Variants in RAPGEF4 observed in about 807,000 individuals in gnomAD.
RAPGEF4 encodes the protein Rap guanine nucleotide exchange factor 4.
Under a neutral mutation model 147.9 loss-of-function variants are expected in RAPGEF4, and 66 were observed. That is an observed-to-expected ratio of 0.45 (90% CI 0.37 to 0.55). The LOEUF (loss-of-function observed/expected upper bound fraction) is 0.55, where lower values mean the gene tolerates loss of function less well. RAPGEF4 is among the 20% of genes least tolerant of loss of function. The probability of loss-of-function intolerance (pLI) is 0.00; values close to 1 mark genes in which losing one functional copy is unlikely to be tolerated. For missense variants in RAPGEF4, 1,071 were observed against 1,257.3 expected (o/e 0.85, Z 2.24); for synonymous variants, 419 against 442.7 (o/e 0.95, Z 0.67).
At chr2:172,741,136 G>A (rs780884952) in intron 1 of RAPGEF4, among the ~76,000 whole-genome samples, 1 of 152,192 alleles carries the variant, frequency 6.6e-6, no homozygotes, top group Non-Finnish European at 1.5e-5. Flanking sequence ...TCTGGGAATC[G>A]TCCAGGACAG....
chr2:172,789,328 T>C (rs1685567769), intron 1 of RAPGEF4, among the ~76,000 whole-genome samples: 1 of 152,218 alleles, frequency 6.6e-6, no homozygotes, highest in African/African-American at 2.4e-5. Flanking sequence ...TTCTATTGGC[T>C]AAAAGCAAAT....
intron 18 of RAPGEF4, among the ~76,000 whole-genome samples, chr2:173,015,661 G>A (rs1374021288): frequency 6.6e-6 from 1 of 152,174 alleles, no homozygotes; most frequent in Non-Finnish European, 1.5e-5. Context: ...CTAAAGTGGT[G>A]GTGTAGCTGG....
rs1330525092 is a variant in RAPGEF4 at position 172,983,478 on chromosome 2, T to C, written c.1005-18T>C. The stretch of plus-strand genomic sequence containing the variant: ...ATGCCCTTTTTCCATATTCCTTTTT[T>C]TTTTTTTATCTTTGTAGACCTGGCC... On this transcript the variant is annotated intron_variant, in intron 10 of 30. Coordinates refer to ENST00000397081, the MANE Select transcript of RAPGEF4 (RefSeq NM_007023.4). 1.9e-5 allele frequency: 30 copies of C among 1,583,414 alleles called. No homozygotes were observed. The highest frequency in any genetic ancestry group is 2.6e-5 in the Non-Finnish European group (30 of 1,173,188).
At chr2:172,895,845 C>T (rs549832449) in intron 4 of RAPGEF4, among the ~76,000 whole-genome samples, 1 of 152,244 alleles carries the variant, frequency 6.6e-6, no homozygotes, top group South Asian at 2.1e-4. Context: ...GATTGGTTTA[C>T]CTAGATTATG....
chr2:173,035,842 T>G (rs1683926349), intron 27 of RAPGEF4, among the ~76,000 whole-genome samples: 1 of 152,228 alleles, frequency 6.6e-6, no homozygotes, highest in African/African-American at 2.4e-5. Flanking sequence ...GAAAATGTAC[T>G]GACTGTTCAT....
intron 17 of RAPGEF4, among the ~76,000 whole-genome samples, chr2:173,001,586 T>C (rs1488982640): frequency 6.6e-6 from 1 of 152,156 alleles, no homozygotes; most frequent in African/African-American, 2.4e-5. Flanking sequence ...TTACCTGTAT[T>C]GGGCCATTCT....
At chr2:172,933,076 G>C (rs1418266090) in intron 6 of RAPGEF4, among the ~76,000 whole-genome samples, 1 of 152,144 alleles carries the variant, frequency 6.6e-6, no homozygotes, top group Non-Finnish European at 1.5e-5. Flanking sequence ...TTAGGAAATA[G>C]CAGTTTCATT....
At chr2:172,891,014 C>G (rs958970715) in intron 4 of RAPGEF4, among the ~76,000 whole-genome samples, 2 of 152,144 alleles carry the variant, frequency 1.3e-5, no homozygotes, top group African/African-American at 4.8e-5. Flanking sequence ...ACCTGTAGTC[C>G]CAGCTACGTG....
At chr2:172,970,635 C>CA (rs574599795) in intron 10 of RAPGEF4, among the ~76,000 whole-genome samples, 2,540 of 141,526 alleles carry the variant, frequency 0.018, 64 homozygotes, top group African/African-American at 0.061. Context: ...GACTTGCTAG[C>CA]AAAAAAAAAA....
At chr2:172,872,840 A>C (rs1695405485) in intron 4 of RAPGEF4, among the ~76,000 whole-genome samples, 1 of 152,120 alleles carries the variant, frequency 6.6e-6, no homozygotes, top group South Asian at 2.1e-4. Context: ...AGTTCTTTAT[A>C]GCAGTGAGAG....
chr2:172,786,604 G>A (rs1478749136), intron 1 of RAPGEF4, among the ~76,000 whole-genome samples: 1 of 152,188 alleles, frequency 6.6e-6, no homozygotes, highest in South Asian at 2.1e-4. Flanking sequence ...TATAGGCCAG[G>A]TGGTAATTAA....
intron 15 of RAPGEF4, among the ~76,000 whole-genome samples, chr2:172,994,915 A>G (rs1693179030): frequency 6.6e-6 from 1 of 151,984 alleles, no homozygotes; most frequent in African/African-American, 2.4e-5. Context: ...AGGTTTCCTC[A>G]AAGACTTAAC....
chr2:172,993,654 C>T (rs1425695059), intron 15 of RAPGEF4, among the ~76,000 whole-genome samples: 1 of 152,064 alleles, frequency 6.6e-6, no homozygotes, highest in African/African-American at 2.4e-5. Flanking sequence ...GCAGTAGGTG[C>T]CTGGCAGTGG....
At chr2:172,995,479 C>T (rs998810895) in intron 15 of RAPGEF4, among the ~76,000 whole-genome samples, 3 of 152,114 alleles carry the variant, frequency 2.0e-5, no homozygotes, top group Admixed American at 6.5e-5. Context: ...GGGGCTTCAC[C>T]GTGTTGCCCA....
chr2:172,969,363 T>A (rs532042177), intron 10 of RAPGEF4, among the ~76,000 whole-genome samples: 3 of 152,248 alleles, frequency 2.0e-5, no homozygotes, highest in Non-Finnish European at 1.5e-5. Context: ...AGCAATCATT[T>A]AATCACAGCT....
intron 3 of RAPGEF4, among the ~76,000 whole-genome samples, chr2:172,813,064 C>G (rs1213311385): frequency 6.6e-6 from 1 of 152,148 alleles, no homozygotes; most frequent in East Asian, 1.9e-4. Context: ...TTTATTTTCC[C>G]TAACATAATT....
intron 4 of RAPGEF4, among the ~76,000 whole-genome samples, chr2:172,843,592 G>A (rs1333276352): frequency 6.6e-6 from 1 of 152,174 alleles, no homozygotes; most frequent in East Asian, 1.9e-4. Flanking sequence ...TGTTTCAAAA[G>A]ATGAAAAGTT....
chr2:172,891,597 C>T (rs903420525), intron 4 of RAPGEF4, among the ~76,000 whole-genome samples: 3 of 152,072 alleles, frequency 2.0e-5, no homozygotes, highest in Non-Finnish European at 4.4e-5. Flanking sequence ...AGTGGTTCTG[C>T]GTGGTGGGAT....
intron 11 of RAPGEF4, 81 bp from the exon 12 acceptor site, chr2:172,985,345 TTGCATTG>T: frequency 1.3e-6 from 2 of 1,590,648 alleles, no homozygotes; most frequent in South Asian, 2.2e-5. Flanking sequence ...CCGGGACAGT[TTGCATTG>T]TGCCCCCAGA....
Sources: allele counts gnomAD v4.1 joint callset (sites outside exome capture counted in the v4.1 genomes callset), GRCh38; gene constraint gnomAD v4.1.1; transcripts MANE v1.5; gene names NCBI Gene and HGNC (gene_info 2026-07-23, HGNC 2026-07-21).